The following LYPD6B variants were observed in gnomAD, a reference collection of about 807,000 sequenced individuals.
The protein encoded by LYPD6B is LY6/PLAUR domain containing 6B, also known as ly6/PLAUR domain-containing protein 6B.
In LYPD6B, 17 loss-of-function variants were observed where a neutral mutation model predicts 22.8. The ratio of observed to expected loss-of-function variants is 0.75; its 90% confidence interval spans 0.51 to 1.12. LYPD6B has a LOEUF of 1.12. LYPD6B is among the 50% of genes most tolerant of loss of function. The pLI is 0.00. For synonymous variants in LYPD6B, 106 were observed against 91.6 expected (o/e 1.16, Z -0.90); for missense variants, 221 against 258.3 (o/e 0.86, Z 0.99).
intron 3 of LYPD6B, among the ~76,000 whole-genome samples, chr2:149,182,991 T>C (rs1404235481): frequency 6.6e-6 from 1 of 152,214 alleles, no homozygotes; most frequent in Non-Finnish European, 1.5e-5. Context: ...CAGAGAAATA[T>C]ACCATTTTTT....
At chr2:149,094,116 A>G (rs527818246) in intron 1 of LYPD6B, among the ~76,000 whole-genome samples, 1 of 152,360 alleles carries the variant, frequency 6.6e-6, no homozygotes, top group South Asian at 2.1e-4. Flanking sequence ...GAAGAAAATA[A>G]TTATCTACTT....
rs546712387 is a variant in LYPD6B at position 149,069,473 on chromosome 2, A to G, written c.-67+30672A>G. 3.3e-5 allele frequency among the ~76,000 whole-genome samples: 5 copies of G among 152,274 alleles called. No individual in the cohort carries two copies. In the South Asian group the frequency reaches 1.0e-3, roughly 32 times the overall value. On this transcript the variant is annotated intron_variant, in intron 1 of 6. Transcript: ENST00000409642. ...ACTGGGTTGGTTAGGATTGAATAGA[A>G]TTGGAAGATAGCAGATCTTAAGGTA...
At chr2:149,120,375 A>AT (rs1454444460) in intron 1 of LYPD6B, among the ~76,000 whole-genome samples, 10 of 30,706 alleles carry the variant, frequency 3.3e-4, no homozygotes, top group African/African-American at 6.3e-4. Context: ...ATATATATAT[A>AT]TATATATATT....
In LYPD6B at chr2:149,099,041, C is replaced by T. The variant is rs1402424763; in HGVS notation, c.-66-31842C>T. Reference sequence around the variant, plus strand: ...GTTGATGAACTGAACTTTTGAAGGTCTACTGCCCATTCTTAGTGAAATCTG... The same window carrying T: ...GTTGATGAACTGAACTTTTGAAGGTTTACTGCCCATTCTTAGTGAAATCTG... On this transcript the variant is annotated intron_variant, in intron 1 of 6. Transcript: ENST00000409642. Among the ~76,000 whole-genome samples the T allele has an allele frequency of 2.0e-5, 3 of 152,250 alleles. No individual in the cohort carries two copies. In the East Asian group the frequency reaches 5.8e-4, roughly 29 times the overall value.
At chr2:149,194,658 A>G (rs1332813482) in intron 3 of LYPD6B, among the ~76,000 whole-genome samples, 3 of 152,202 alleles carry the variant, frequency 2.0e-5, no homozygotes, top group Admixed American at 6.6e-5. Context: ...TCAGGGGAAT[A>G]AATACCCAGT....
At chr2:149,189,296 A>G (rs1692323470) in intron 3 of LYPD6B, among the ~76,000 whole-genome samples, 1 of 147,252 alleles carries the variant, frequency 6.8e-6, no homozygotes, top group Non-Finnish European at 1.5e-5. Flanking sequence ...ATAAAACAAT[A>G]TGGGCTAATG....
chr2:149,058,313 A>T (rs1223099634), intron 1 of LYPD6B, among the ~76,000 whole-genome samples: 2 of 152,200 alleles, frequency 1.3e-5, no homozygotes, highest in Admixed American at 1.3e-4. Context: ...TCCTATATTT[A>T]TGCTTTTGTA....
intron 3 of LYPD6B, among the ~76,000 whole-genome samples, chr2:149,163,111 G>A (rs1332511851): frequency 6.6e-6 from 1 of 152,172 alleles, no homozygotes; most frequent in South Asian, 2.1e-4. Flanking sequence ...AAAACTAGCT[G>A]TAAGTTACTT....
At chr2:149,205,529 C>A in intron 4 of LYPD6B, 125 bp downstream of exon 4, 1 of 1,061,560 alleles carries the variant, frequency 9.4e-7, no homozygotes, top group Non-Finnish European at 1.4e-6. Flanking sequence ...TAGAATAAAA[C>A]AGAAAGTCTC....
chr2:149,045,501 T>C (rs1453249763), intron 1 of LYPD6B, among the ~76,000 whole-genome samples: 1 of 152,044 alleles, frequency 6.6e-6, no homozygotes, highest in African/African-American at 2.4e-5. Context: ...AAGCTTATAT[T>C]ACTGATTTTT....
chr2:149,164,963 G>A (rs1386721499), intron 3 of LYPD6B, among the ~76,000 whole-genome samples: 1 of 152,166 alleles, frequency 6.6e-6, no homozygotes, highest in Non-Finnish European at 1.5e-5. Flanking sequence ...TCATGATTCT[G>A]TGGGTCAGCA....
rs533114028 is a variant in LYPD6B, at chr2:149,045,292, A to G, written c.-67+6491A>G. Among the ~76,000 whole-genome samples the G allele has an allele frequency of 3.3e-4, 50 of 152,088 alleles. No individual in the cohort carries two copies. The East Asian group carries it at 4.2e-3, about 13-fold the overall frequency. On this transcript the variant is annotated intron_variant, in intron 1 of 6. Transcript: ENST00000409642. ...TCCCTCTTTTATTCTTGACATTATT[A>G]ACTTATGTCTTCAGTCTTTTTCTTG...
chr2:149,116,484 A>C (rs1416048434), intron 1 of LYPD6B, among the ~76,000 whole-genome samples: 4 of 152,112 alleles, frequency 2.6e-5, no homozygotes, highest in Non-Finnish European at 5.9e-5. Flanking sequence ...TATTAGTGAG[A>C]TATCTCCTAA....
rs192225659 is a variant in LYPD6B at position 149,091,696 on chromosome 2, G to A, written c.-66-39187G>A. Among the ~76,000 whole-genome samples the A allele has an allele frequency of 3.5e-3, 528 of 151,320 alleles. 2 individuals carry two copies. The highest frequency in any genetic ancestry group is 0.012 in the African/African-American group (503 of 41,212). On this transcript the variant is annotated intron_variant, in intron 1 of 6. Coordinates refer to ENST00000409642, the MANE Select transcript of LYPD6B (RefSeq NM_177964.5). ...CTACAGTCCAGTTTATATTCTTCTTGTCATCAACTTATTTATCCATCATTC... is the reference window on the plus strand; with the variant it reads ...CTACAGTCCAGTTTATATTCTTCTTATCATCAACTTATTTATCCATCATTC...
chr2:149,183,428 G>GT (rs1395711724), intron 3 of LYPD6B, among the ~76,000 whole-genome samples: 1 of 148,848 alleles, frequency 6.7e-6, no homozygotes, highest in Non-Finnish European at 1.5e-5. Flanking sequence ...TTTCTTTTTT[G>GT]TTTTTTTAAG....
intron 1 of LYPD6B, among the ~76,000 whole-genome samples, chr2:149,055,493 T>C (rs1042934404): frequency 6.6e-6 from 1 of 152,226 alleles, no homozygotes; most frequent in Non-Finnish European, 1.5e-5. Context: ...ATCTTAACAA[T>C]GTAAGTCTTC....
At chr2:149,157,577 T>G (rs1689789893) in intron 2 of LYPD6B, among the ~76,000 whole-genome samples, 1 of 152,200 alleles carries the variant, frequency 6.6e-6, no homozygotes. Flanking sequence ...ATGGTTGTTT[T>G]TTGTTGACTT....
intron 2 of LYPD6B, among the ~76,000 whole-genome samples, chr2:149,160,295 T>C (rs16826652): frequency 0.27 from 41,046 of 152,186 alleles, 7,086 homozygotes; most frequent in East Asian, 0.55. Flanking sequence ...AAGACTCATG[T>C]TGTCATTATT....
intron 2 of LYPD6B, among the ~76,000 whole-genome samples, chr2:149,137,582 A>G (rs1371312046): frequency 3.9e-5 from 6 of 152,230 alleles, no homozygotes; most frequent in Non-Finnish European, 8.8e-5. Flanking sequence ...TGTGCTTAGA[A>G]CCATGCTCAG....
Sources: allele counts gnomAD v4.1 joint callset (sites outside exome capture counted in the v4.1 genomes callset), GRCh38; gene constraint gnomAD v4.1.1; transcripts MANE v1.5; gene names NCBI Gene and HGNC (gene_info 2026-07-23, HGNC 2026-07-21).